CCSER1: variants seen among roughly 807,000 people sequenced by gnomAD.
CCSER1 encodes the protein serine-rich coiled-coil domain-containing protein 1.
In CCSER1, 41 loss-of-function variants were observed where a neutral mutation model predicts 82.0. The ratio of observed to expected loss-of-function variants is 0.50; its 90% CI spans 0.39 to 0.65. The LOEUF is 0.65. Among genes scored for constraint, CCSER1 ranks in the 30% least tolerant of loss-of-function variants. The pLI, the probability that CCSER1 is intolerant of heterozygous loss-of-function variation, is 0.00. For missense variants in CCSER1, 1,119 were observed against 1,064.2 expected, an observed-to-expected ratio of 1.05 and a Z score of -0.72; for synonymous variants, 414 against 383.9, an observed-to-expected ratio of 1.08 and a Z score of -0.92.
chr4:91,331,247 T>A (rs183933346), intron 10 of CCSER1, among the ~76,000 whole-genome samples: 2 of 152,218 alleles, frequency 1.3e-5, no homozygotes, highest in African/African-American at 4.8e-5. Context: ...ATTTCTTTAA[T>A]ATCCTTGTCA....
intron 5 of CCSER1, among the ~76,000 whole-genome samples, chr4:90,609,979 G>A (rs566547412): frequency 5.1e-4 from 77 of 152,246 alleles, no homozygotes; most frequent in African/African-American, 1.6e-3. Context: ...GAGGCCAGGC[G>A]CGGTGGCTCA....
intron 4 of CCSER1, among the ~76,000 whole-genome samples, chr4:90,407,046 A>G (rs1382425281): frequency 6.6e-6 from 1 of 152,208 alleles, no homozygotes; most frequent in Non-Finnish European, 1.5e-5. Flanking sequence ...CAACAACAAA[A>G]AAGACAAAAG....
chr4:90,568,469 G>A (rs1016041524), intron 5 of CCSER1, among the ~76,000 whole-genome samples: 6 of 151,956 alleles, frequency 3.9e-5, no homozygotes, highest in African/African-American at 1.5e-4. Context: ...TCTGATTTAA[G>A]TTTGGTTATT....
intron 10 of CCSER1, among the ~76,000 whole-genome samples, chr4:91,360,269 G>A (rs961074858): frequency 1.1e-4 from 16 of 151,440 alleles, no homozygotes; most frequent in African/African-American, 3.6e-4. Context: ...GATTTGTTCT[G>A]GTAAACACAT....
intron 3 of CCSER1, among the ~76,000 whole-genome samples, chr4:90,360,757 G>A (rs1244006607): frequency 6.6e-6 from 1 of 151,948 alleles, no homozygotes; most frequent in Non-Finnish European, 1.5e-5. Context: ...AGCTGATCAT[G>A]GTCAATATAA....
intron 10 of CCSER1, among the ~76,000 whole-genome samples, chr4:91,560,137 A>T (rs568610481): frequency 6.6e-6 from 1 of 151,564 alleles, no homozygotes; most frequent in African/African-American, 2.4e-5. Context: ...TTATTGAAAA[A>T]AAAGTCCCAT....
chr4:91,270,444 T>C (rs536671724), intron 10 of CCSER1, among the ~76,000 whole-genome samples: 1 of 152,336 alleles, frequency 6.6e-6, no homozygotes, highest in East Asian at 1.9e-4. Context: ...CATCACATTT[T>C]TTTTTGTTCT....
chr4:91,473,371 A>G (rs1480655078), intron 10 of CCSER1, among the ~76,000 whole-genome samples: 5 of 152,138 alleles, frequency 3.3e-5, no homozygotes, highest in Non-Finnish European at 7.4e-5. Context: ...ATTCCCTTTT[A>G]AGTCATCCAC....
At chr4:91,065,336 G>A (rs999177926) in intron 9 of CCSER1, among the ~76,000 whole-genome samples, 13 of 152,100 alleles carry the variant, frequency 8.5e-5, no homozygotes, top group African/African-American at 1.7e-4. Flanking sequence ...GAAATATTGC[G>A]TAATTTGGTG....
At position 91,329,177 on chromosome 4, in the gene CCSER1, G is replaced by A. The variant is rs150184183; in HGVS notation, c.2217+243183G>A. On this transcript the variant is annotated intron_variant, in intron 10 of 10. Transcript: ENST00000509176. ...CTAATTTATCTTCCACACAAAAAGA[G>A]TAGTTAAAATATCTGTGAAAAATAA... Among the ~76,000 whole-genome samples, 46 of 152,062 alleles carry A rather than the reference G, an allele frequency of 3.0e-4. No homozygotes were observed. The East Asian group carries it at 8.9e-3, about 29-fold the overall frequency.
intron 9 of CCSER1, among the ~76,000 whole-genome samples, chr4:90,958,724 G>T (rs1307229844): frequency 6.6e-6 from 1 of 152,092 alleles, no homozygotes; most frequent in Non-Finnish European, 1.5e-5. Context: ...TGCCACATGA[G>T]AACCCAGTGA....
At chr4:90,827,890 A>C (rs550487053) in intron 8 of CCSER1, among the ~76,000 whole-genome samples, 4 of 152,118 alleles carry the variant, frequency 2.6e-5, no homozygotes, top group African/African-American at 7.2e-5. Flanking sequence ...AGTGAGATTT[A>C]TCATTCTTAT....
chr4:90,738,811 C>T (rs1323261304), intron 7 of CCSER1, among the ~76,000 whole-genome samples: 1 of 152,162 alleles, frequency 6.6e-6, no homozygotes, highest in African/African-American at 2.4e-5. Flanking sequence ...AGGCCCTGTG[C>T]TCTTTCATCA....
chr4:90,653,407 T>C (rs1729140043), intron 6 of CCSER1, among the ~76,000 whole-genome samples: 1 of 152,130 alleles, frequency 6.6e-6, no homozygotes, highest in Non-Finnish European at 1.5e-5. Flanking sequence ...AATGTTATTT[T>C]TTCTTTTGGT....
intron 8 of CCSER1, among the ~76,000 whole-genome samples, chr4:90,921,322 G>A (rs568445034): frequency 2.6e-4 from 39 of 151,860 alleles, no homozygotes; most frequent in South Asian, 6.2e-4. Flanking sequence ...TTGTACCTAA[G>A]TCTATAGGAA....
At chr4:91,453,938 G>GTA (rs1168673786) in intron 10 of CCSER1, among the ~76,000 whole-genome samples, 3 of 151,998 alleles carry the variant, frequency 2.0e-5, no homozygotes, top group African/African-American at 7.2e-5. Flanking sequence ...TTTGTGTCTA[G>GTA]TATTGTAATG....
At chr4:91,312,778 G>A (rs6532288) in intron 10 of CCSER1, among the ~76,000 whole-genome samples, 118,100 of 151,758 alleles carry the variant, frequency 0.78, 46,044 homozygotes, top group Middle Eastern at 0.84. Flanking sequence ...AAATTGCCTA[G>A]TCTTACCACT....
chr4:90,203,429 G>A (rs543604211), intron 1 of CCSER1, among the ~76,000 whole-genome samples: 1 of 152,234 alleles, frequency 6.6e-6, no homozygotes, highest in East Asian at 1.9e-4. Context: ...TCCCACTTAT[G>A]AGTGAGAACA....
intron 9 of CCSER1, among the ~76,000 whole-genome samples, chr4:91,027,860 A>G (rs1241967981): frequency 1.3e-5 from 2 of 152,098 alleles, no homozygotes; most frequent in African/African-American, 2.4e-5. Context: ...CAAATTGTGC[A>G]GAGGGAGAAA....
Sources: gnomAD v4.1 joint callset for allele counts (sites outside exome capture counted in the v4.1 genomes callset) on GRCh38, gnomAD v4.1.1 for gene constraint, MANE v1.5 for transcripts, NCBI Gene and HGNC (gene_info 2026-07-23, HGNC 2026-07-21) for gene names.